PRKCSH: variants seen among roughly 807,000 people sequenced by gnomAD.
PRKCSH encodes the protein glucosidase 2 subunit beta.
Under a neutral mutation model 79.7 loss-of-function variants are expected in PRKCSH, and 42 were observed. The observed-to-expected ratio is 0.53, with a 90% CI of 0.41 to 0.68. PRKCSH has a LOEUF of 0.68. Ranked by LOEUF, PRKCSH falls within the 30% of genes least tolerant of loss-of-function variation. PRKCSH has a pLI of 0.00. For missense variants in PRKCSH, 686 were observed against 709.0 expected (o/e 0.97, Z 0.37); for synonymous variants, 325 against 288.2 (o/e 1.13, Z -1.29).
In PRKCSH at chr19:11,438,143, C is replaced by G. The variant is rs373625391; in HGVS notation, c.350+19C>G. 1.9e-6 allele frequency: 3 copies of G among 1,613,138 alleles called. No individual in the cohort carries two copies. Among genetic ancestry groups the G allele is most frequent in the African/African-American group, 1.3e-5 (1 of 74,878 alleles). On this transcript the variant is annotated intron_variant, in intron 5 of 17. Transcript: ENST00000677123. ...CCTGCAAGTACGTGGGTGACAGTAC[C>G]CCTCCCATCACCCCACCCCAAGACT...
Position 11,436,078 on chromosome 19 carries a change from T to C in PRKCSH, c.-40T>C, listed in dbSNP as rs775648656. On this transcript the variant is annotated 5_prime_UTR_variant, in exon 2 of 18. Transcript: ENST00000677123. ...GCGCATCTCCCCGCTGTAGGCTTCC[T>C]CCCACAGAACCCGTTTCGGGCCTCA... The C allele has an allele frequency of 6.2e-7, 1 of 1,603,820 alleles. No homozygotes were observed. Among genetic ancestry groups the C allele is most frequent in the South Asian group, 1.1e-5 (1 of 91,052 alleles).
At chr19:11,438,046 T>G (rs1283668355) in intron 4 of PRKCSH, 21 bp from the exon 5 acceptor site, 5 of 1,614,004 alleles carry the variant, frequency 3.1e-6, no homozygotes, top group Non-Finnish European at 4.2e-6. Context: ...GGTCTGATCT[T>G]GGCTTCTGCC....
intron 3 of PRKCSH, 148 bp from the exon 4 acceptor site, chr19:11,437,728 G>C (rs1969842636): frequency 1.3e-6 from 1 of 761,240 alleles, no homozygotes; most frequent in African/African-American, 1.7e-5. Flanking sequence ...AGCCCTGGCT[G>C]TGCAGTGTAC....
rs546290157 is a variant in PRKCSH, at chr19:11,438,647, C to T, written c.350+523C>T. On this transcript the variant is annotated intron_variant, in intron 5 of 17. Transcript: ENST00000677123. ...GCGGGCGCCTGTAGTCCCAGCTACT[C>T]GGTGGGCTGAGGCAGGTGAGTGGCG... Among the ~76,000 whole-genome samples the T allele has an allele frequency of 4.4e-4, 67 of 150,960 alleles. 1 individual carries two copies. In the South Asian group the frequency reaches 0.013, roughly 29 times the overall value.
chr19:11,448,238 C>A lies in PRKCSH; in HGVS notation c.1143C>A (p.Arg381=), dbSNP rs1431097652. 1 of 1,562,992 alleles carries A rather than the reference C, an allele frequency of 6.4e-7. No homozygotes were observed. The highest frequency in any genetic ancestry group is 1.4e-5 in the African/African-American group (1 of 73,850). ...QAFIDAAQEA[R]NKFEEAERSL... ...CTCTCCCAGCTGCCCAGGAGGCCCG[C>A]AACAAGTTCGAGGAGGCCGAGCGGT... The change falls in exon 13 of 18, where the codon CGC becomes CGA. Residue 381 remains arginine (R), a synonymous_variant. Transcript: ENST00000677123. The surrounding 1 kb of genome is among the most constrained non-coding windows in gnomAD (Gnocchi z 4.4).
chr19:11,450,183 A>G (rs1342217275), intron 17 of PRKCSH, among the ~76,000 whole-genome samples: 1 of 150,972 alleles, frequency 6.6e-6, no homozygotes, highest in Non-Finnish European at 1.5e-5. Context: ...TACTTTTGAA[A>G]CTAAATAGGC....
At chr19:11,440,231 T>C (rs980302271) in intron 5 of PRKCSH, among the ~76,000 whole-genome samples, 6 of 151,374 alleles carry the variant, frequency 4.0e-5, no homozygotes, top group Non-Finnish European at 5.9e-5. Flanking sequence ...CACTGCAAGC[T>C]CCGCTTCCCG....
chr19:11,444,521 T>C (rs1970205679), intron 7 of PRKCSH, among the ~76,000 whole-genome samples: 1 of 152,028 alleles, frequency 6.6e-6, no homozygotes. Context: ...TGTCCTGGGG[T>C]GACCTAAGAC....
intron 5 of PRKCSH, among the ~76,000 whole-genome samples, chr19:11,438,892 C>T (rs1405889768): frequency 6.6e-6 from 1 of 151,564 alleles, no homozygotes; most frequent in Admixed American, 6.6e-5. Context: ...AGTTCATAGG[C>T]ATGATGATTT....
intron 5 of PRKCSH, chr19:11,440,977 C>T (rs1970036993): frequency 4.5e-6 from 2 of 446,920 alleles, no homozygotes; most frequent in South Asian, 4.0e-5. Flanking sequence ...TCTCCTGTCT[C>T]TTGAGAGTTG....
rs1157749257 is a variant in PRKCSH, at chr19:11,435,676, C to T, written c.-108C>T. On this transcript the variant is annotated 5_prime_UTR_variant, in exon 1 of 18. Coordinates refer to ENST00000677123, the MANE Select transcript of PRKCSH (RefSeq NM_001289104.2). ...CCGCGGCTGCTGGACAAGAGGGGTG[C>T]GGTGGATACTGACCTTTGCTCCGGC... 5 of 1,302,578 alleles carry T rather than the reference C, an allele frequency of 3.8e-6. No homozygotes were observed. Among genetic ancestry groups the T allele is most frequent in the African/African-American group, 1.5e-5 (1 of 66,506 alleles). The allele number at this position is 1,302,578 out of a possible 1,614,324, so 80.7% of individuals were successfully genotyped here.
rs895904336 is a variant in PRKCSH, at chr19:11,437,966, T to A, written c.287T>A (p.Val96Asp). Residue 96 changes from valine (V) to aspartate (D), a missense_variant, in exon 4 of 18, where the codon GTT (valine) becomes GAT (aspartate). Val to Asp is a radical substitution (Grantham distance 152, BLOSUM62 -3). Coordinates refer to ENST00000677123, the MANE Select transcript of PRKCSH (RefSeq NM_001289104.2). ...CCCTCCAACCGGGTCAACGATGGTGTTTGTGGTAAGTGAAGATGCACCAGG... is the reference window on the plus strand; with the variant it reads ...CCCTCCAACCGGGTCAACGATGGTGATTGTGGTAAGTGAAGATGCACCAGG... Reference protein sequence around the residue: ...YIPSNRVNDGVCDCCDGTDEY... With the variant: ...YIPSNRVNDGDCDCCDGTDEY... 4.3e-6 allele frequency: 7 copies of A among 1,613,946 alleles called. No individual in the cohort carries two copies. Among genetic ancestry groups the A allele is most frequent in the Non-Finnish European group, 5.9e-6 (7 of 1,179,916 alleles).
chr19:11,448,398 G>C lies in PRKCSH; in HGVS notation c.1196+107G>C. On this transcript the variant is annotated intron_variant, in intron 13 of 17. Coordinates refer to ENST00000677123, the MANE Select transcript of PRKCSH (RefSeq NM_001289104.2). The surrounding 1 kb of genome is among the most constrained non-coding windows in gnomAD (Gnocchi z 4.4). ...CTGAGGCAACCACAGGCTGGGCCTGGTCCCTGCAGGGAGGGTCCCTGGGAG... is the reference window on the plus strand; with the variant it reads ...CTGAGGCAACCACAGGCTGGGCCTGCTCCCTGCAGGGAGGGTCCCTGGGAG... 1 of 1,478,630 alleles carries C rather than the reference G, an allele frequency of 6.8e-7. No homozygotes were observed. Among genetic ancestry groups the C allele is most frequent in the Non-Finnish European group, 9.3e-7 (1 of 1,074,868 alleles). The allele number at this position is 1,478,630 out of a possible 1,614,324, so 91.6% of individuals were successfully genotyped here. A position where few individuals can be genotyped will look rare whatever the true frequency, so the allele number is the denominator to read the frequency against.
chr19:11,439,615 T>C (rs1969957660), intron 5 of PRKCSH, among the ~76,000 whole-genome samples: 1 of 130,112 alleles, frequency 7.7e-6, no homozygotes. Context: ...CTTTTTTTTT[T>C]TTTTTTTTTT....
At chr19:11,443,161 C>G (rs1407489433) in intron 7 of PRKCSH, among the ~76,000 whole-genome samples, 1 of 152,144 alleles carries the variant, frequency 6.6e-6, no homozygotes, top group East Asian at 1.9e-4. Flanking sequence ...GCCTGTAATC[C>G]CAGCAGTTTG....
Position 11,449,193 on chromosome 19 carries a change from A to T in PRKCSH, c.1461+18A>T. 1 of 1,613,682 alleles carries T rather than the reference A, an allele frequency of 6.2e-7. No homozygotes were observed. Among genetic ancestry groups the T allele is most frequent in the South Asian group, 1.1e-5 (1 of 91,076 alleles). On this transcript the variant is annotated intron_variant, in intron 16 of 17. Transcript: ENST00000677123. The surrounding 1 kb of genome is among the most constrained non-coding windows in gnomAD (Gnocchi z 6.4). ...CCACCACCGTGAGTGCCTGCAAGGCAGGGGAGCTGGGGCGGGGAGACCCAG... is the reference window on the plus strand; with the variant it reads ...CCACCACCGTGAGTGCCTGCAAGGCTGGGGAGCTGGGGCGGGGAGACCCAG...
intron 3 of PRKCSH, among the ~76,000 whole-genome samples, chr19:11,437,400 G>A (rs975760562): frequency 9.3e-5 from 14 of 149,802 alleles, no homozygotes; most frequent in African/African-American, 3.0e-4. Flanking sequence ...CGCCCAGGCT[G>A]GAGTGCAGTG....
At chr19:11,437,737 A>G (rs1011356168) in intron 3 of PRKCSH, 139 bp from the exon 4 acceptor site, 1 of 810,232 alleles carries the variant, frequency 1.2e-6, no homozygotes, top group African/African-American at 1.7e-5. Flanking sequence ...TGTGCAGTGT[A>G]CAACTCTTTC....
Position 11,441,256 on chromosome 19 carries a change from G to C in PRKCSH, c.367G>C (p.Glu123Gln). 6.2e-7 allele frequency: 1 copy of C among 1,614,020 alleles called. No homozygotes were observed. Among genetic ancestry groups the C allele is most frequent in the Non-Finnish European group, 8.5e-7 (1 of 1,179,932 alleles). The change falls in exon 6 of 18, where the codon GAG (glutamate) becomes CAG (glutamine). Residue 123 changes from glutamate to glutamine, a missense_variant. Glu to Gln is a conservative substitution (Grantham distance 29, BLOSUM62 2). This residue lies in a region of PRKCSH where 549 missense variants were observed against 520.2 expected (regional missense o/e 1.06). Coordinates refer to ENST00000677123, the MANE Select transcript of PRKCSH (RefSeq NM_001289104.2). Reference sequence around the variant, plus strand: ...GCACCGCAGAGAGAAGGGCCGTAAGGAGAGAGAGTCCCTGCAGCAGATGGC... The same window carrying C: ...GCACCGCAGAGAGAAGGGCCGTAAGCAGAGAGAGTCCCTGCAGCAGATGGC... Reference protein sequence around the residue: ...ENTCKEKGRKERESLQQMAEV... With the variant: ...ENTCKEKGRKQRESLQQMAEV...
Sources: gnomAD v4.1 joint callset for allele counts (sites outside exome capture counted in the v4.1 genomes callset) on GRCh38, gnomAD v4.1.1 for gene constraint, gnomAD v4.1.1 regional missense constraint, Gnocchi (gnomAD v3.1) non-coding constraint, MANE v1.5 for transcripts, NCBI Gene and HGNC (gene_info 2026-07-23, HGNC 2026-07-21) for gene names.